Variants in TLE1 observed in about 807,000 individuals in gnomAD.
The protein encoded by TLE1 is TLE family member 1, transcriptional corepressor, also known as transducin-like enhancer protein 1.
In TLE1, 21 loss-of-function variants were observed where a neutral mutation model predicts 89.8. That is an observed-to-expected ratio of 0.23 (90% confidence interval 0.17 to 0.34). TLE1 has a LOEUF of 0.34. Among genes scored for constraint, TLE1 ranks in the 10% least tolerant of loss-of-function variants. The probability of loss-of-function intolerance (pLI) is 1.00; values close to 1 mark genes in which losing one functional copy is unlikely to be tolerated. For missense variants in TLE1, 795 were observed against 1,031.2 expected (o/e 0.77, Z 3.14); for synonymous variants, 447 against 407.6 (o/e 1.10, Z -1.16).
Position 81,610,225 on chromosome 9 carries a change from C to A in TLE1, c.1326G>T (p.Gly442=), listed in dbSNP as rs201391449. ...AAGGTCTTTGAGGTACTTACGGTTT[C>A]CCCCCAGGGATTCCTGCCAGGTTTG... is the stretch of plus-strand genomic sequence containing the variant. ...IPPNLAGIPG[G]KPAYSFHVTA... is the part of the protein sequence containing the mutation. Residue 442 remains glycine, a synonymous_variant, in exon 14 of 20, where the codon GGG becomes GGT. Coordinates refer to ENST00000376499, the MANE Select transcript of TLE1 (RefSeq NM_005077.5). 104 of 1,613,376 alleles carry A rather than the reference C, an allele frequency of 6.4e-5. No individual in the cohort carries two copies. In the East Asian group the frequency reaches 2.3e-3, roughly 36 times the overall value.
chr9:81,599,876 A>T, intron 14 of TLE1: 1 of 454,334 alleles, frequency 2.2e-6, no homozygotes. Context: ...TTGTTTCCTT[A>T]TTTAGAGGCA....
intron 8 of TLE1, among the ~76,000 whole-genome samples, chr9:81,624,473 T>C (rs186862624): frequency 6.6e-6 from 1 of 152,292 alleles, no homozygotes; most frequent in Admixed American, 6.5e-5. Context: ...GAGTCTATAC[T>C]TTGAAAGATT....
intron 6 of TLE1, among the ~76,000 whole-genome samples, chr9:81,635,514 G>C (rs897208986): frequency 1.3e-5 from 2 of 152,130 alleles, no homozygotes; most frequent in Admixed American, 1.3e-4. Context: ...CCTGTACCAT[G>C]AATCTGGCCA....
rs934513708 is a variant in TLE1 at position 81,666,094 on chromosome 9, C to T, written c.235-12058G>A. ...TCCTAAATAGCACATTTCCATTATTCAGAAACCCTTGTTATGGAGTTCAGA... is the reference window on the plus strand; with the variant it reads ...TCCTAAATAGCACATTTCCATTATTTAGAAACCCTTGTTATGGAGTTCAGA... On this transcript the variant is annotated intron_variant, in intron 4 of 19. Transcript: ENST00000376499. Among the ~76,000 whole-genome samples, 5 of 152,112 alleles carry T rather than the reference C, an allele frequency of 3.3e-5. No homozygotes were observed. The East Asian group carries it at 9.6e-4, about 29-fold the overall frequency.
At chr9:81,631,069 A>G (rs568714253) in intron 8 of TLE1, among the ~76,000 whole-genome samples, 1 of 152,236 alleles carries the variant, frequency 6.6e-6, no homozygotes, top group Non-Finnish European at 1.5e-5. Flanking sequence ...CTTGTCAAAA[A>G]TTTGATATAA....
chr9:81,635,242 AC>A (rs932894203), intron 6 of TLE1, among the ~76,000 whole-genome samples: 2 of 152,080 alleles, frequency 1.3e-5, no homozygotes, highest in Non-Finnish European at 2.9e-5. Flanking sequence ...CACAACTCAA[AC>A]CCACTCTTTC....
At chr9:81,602,268 G>T (rs778147575) in intron 14 of TLE1, among the ~76,000 whole-genome samples, 1 of 152,144 alleles carries the variant, frequency 6.6e-6, no homozygotes, top group East Asian at 1.9e-4. Flanking sequence ...AAAGCAGGCT[G>T]GGGGGATATT....
intron 6 of TLE1, among the ~76,000 whole-genome samples, chr9:81,634,895 T>A (rs147412508): frequency 6.6e-6 from 1 of 152,154 alleles, no homozygotes; most frequent in African/African-American, 2.4e-5. Context: ...CACTAAGGAA[T>A]AGAATTTGGA....
At chr9:81,616,524 TG>T in intron 10 of TLE1, 121 bp downstream of exon 10, 1 of 889,292 alleles carries the variant, frequency 1.1e-6, no homozygotes, top group Non-Finnish European at 1.8e-6. Context: ...AACTTCTTAA[TG>T]TAAGAAGTTG....
At chr9:81,608,919 G>T (rs1055302244) in intron 14 of TLE1, among the ~76,000 whole-genome samples, 1 of 150,552 alleles carries the variant, frequency 6.6e-6, no homozygotes, top group African/African-American at 2.4e-5. Flanking sequence ...CCTCGGCAAC[G>T]AGTGAAACTC....
At chr9:81,644,894 T>C (rs1828631754) in intron 6 of TLE1, among the ~76,000 whole-genome samples, 1 of 147,246 alleles carries the variant, frequency 6.8e-6, no homozygotes, top group Non-Finnish European at 1.5e-5. Flanking sequence ...CTCGGGAGGC[T>C]GAGGCAGGAG....
At chr9:81,650,401 G>C (rs1468931076) in intron 6 of TLE1, among the ~76,000 whole-genome samples, 1 of 152,170 alleles carries the variant, frequency 6.6e-6, no homozygotes, top group Admixed American at 6.5e-5. Context: ...GTTCCACAAA[G>C]TTTAACCGGG....
In TLE1 at chr9:81,584,539, G is replaced by C. The variant is rs371507322; in HGVS notation, c.2129-15C>G. On this transcript the variant is annotated splice_polypyrimidine_tract_variant and intron_variant, in intron 18 of 19. Coordinates refer to ENST00000376499, the MANE Select transcript of TLE1 (RefSeq NM_005077.5). ...AAACCATTTACCTAGAATTAGCAAAGGAATATCTAGTTTTCACAAGGTTAA... is the reference window on the plus strand; with the variant it reads ...AAACCATTTACCTAGAATTAGCAAACGAATATCTAGTTTTCACAAGGTTAA... The C allele has an allele frequency of 2.5e-6, 4 of 1,612,384 alleles. No homozygotes were observed. Among genetic ancestry groups the C allele is most frequent in the African/African-American group, 1.3e-5 (1 of 74,838 alleles).
chr9:81,662,407 T>TGTGTG (rs1435013957), intron 4 of TLE1, among the ~76,000 whole-genome samples: 3 of 71,494 alleles, frequency 4.2e-5, no homozygotes, highest in East Asian at 3.7e-4. Flanking sequence ...GTGTGTGTGT[T>TGTGTG]TAAAGGGCCA....
chr9:81,681,973 T>C (rs1212301469), intron 4 of TLE1, among the ~76,000 whole-genome samples: 1 of 151,868 alleles, frequency 6.6e-6, no homozygotes, highest in African/African-American at 2.4e-5. Context: ...AGGCCGGGTG[T>C]GGTAGCTCAT....
intron 4 of TLE1, among the ~76,000 whole-genome samples, chr9:81,676,653 G>A (rs1005860957): frequency 6.6e-6 from 1 of 152,160 alleles, no homozygotes; most frequent in Non-Finnish European, 1.5e-5. Flanking sequence ...GGGACAAAGA[G>A]GTCATCACAG....
chr9:81,652,317 T>G (rs1266020645), intron 5 of TLE1, 29 bp from the exon 6 acceptor site: 2 of 1,600,696 alleles, frequency 1.2e-6, no homozygotes, highest in Non-Finnish European at 1.7e-6. Flanking sequence ...GAAAGGGCAT[T>G]AGCAACAGCC....
intron 17 of TLE1, among the ~76,000 whole-genome samples, chr9:81,586,557 G>A (rs1004236352): frequency 6.6e-6 from 1 of 152,164 alleles, no homozygotes; most frequent in Non-Finnish European, 1.5e-5. Flanking sequence ...TCTGTCCTTG[G>A]CTAAAAGGTT....
At chr9:81,616,235 C>G in intron 10 of TLE1, 101 bp from the exon 11 acceptor site, 1 of 1,462,764 alleles carries the variant, frequency 6.8e-7, no homozygotes, top group Non-Finnish European at 9.2e-7. Context: ...AGCTGAAAGT[C>G]CTTCGGGTTG....
Sources: gnomAD v4.1 joint callset for allele counts (sites outside exome capture counted in the v4.1 genomes callset) on GRCh38, gnomAD v4.1.1 for gene constraint, MANE v1.5 for transcripts, NCBI Gene and HGNC (gene_info 2026-07-23, HGNC 2026-07-21) for gene names.